Variants in TEKT5 observed in about 807,000 individuals in gnomAD.
TEKT5 encodes the protein tektin-5.
A neutral mutation model predicts 48.7 loss-of-function variants in TEKT5; 52 were observed. That is an observed-to-expected ratio of 1.07 (90% CI 0.86 to 1.35). The LOEUF is 1.35. Among genes scored for constraint, TEKT5 ranks in the 40% most tolerant of loss-of-function variants. TEKT5 has a pLI of 0.00. For synonymous variants in TEKT5, 318 were observed against 267.6 expected, an observed-to-expected ratio of 1.19 and a Z score of -1.84; for missense variants, 831 against 641.6, an observed-to-expected ratio of 1.30 and a Z score of -3.19.
At chr16:10,676,373 T>A (rs1054435397) in intron 4 of TEKT5, among the ~76,000 whole-genome samples, 192 bp from the exon 5 acceptor site, 1 of 152,170 alleles carries the variant, frequency 6.6e-6, no homozygotes, top group African/African-American at 2.4e-5. Context: ...CACCCCGTTG[T>A]GACAACCAAA....
intron 5 of TEKT5, among the ~76,000 whole-genome samples, chr16:10,661,859 G>A (rs1407235472): frequency 6.6e-6 from 1 of 152,144 alleles, no homozygotes; most frequent in Non-Finnish European, 1.5e-5. Flanking sequence ...GATGATAATA[G>A]CATCTATCCT....
chr16:10,650,679 T>A (rs1898141173), intron 5 of TEKT5, among the ~76,000 whole-genome samples: 1 of 151,020 alleles, frequency 6.6e-6, no homozygotes, highest in African/African-American at 2.4e-5. Context: ...AGGTCAGGAG[T>A]TCGAGACCAG....
chr16:10,634,128 G>C (rs1897879661), intron 6 of TEKT5, among the ~76,000 whole-genome samples: 1 of 152,162 alleles, frequency 6.6e-6, no homozygotes, highest in African/African-American at 2.4e-5. Context: ...GCTTAGTGCT[G>C]TGTGACTGGG....
At chr16:10,629,344 G>C (rs576955920) in intron 6 of TEKT5, among the ~76,000 whole-genome samples, 1 of 151,650 alleles carries the variant, frequency 6.6e-6, no homozygotes, top group Non-Finnish European at 1.5e-5. Flanking sequence ...TCTGCCTCCC[G>C]GGTTCAAGCA....
Position 10,635,712 on chromosome 16 carries a change from C to G in TEKT5, c.1241+52G>C, listed in dbSNP as rs2719673. 9,932 of 1,583,410 alleles carry G rather than the reference C, an allele frequency of 6.3e-3. 554 individuals are homozygous for G. In the African/African-American group the frequency reaches 0.12, roughly 18 times the overall value. On this transcript the variant is annotated intron_variant, in intron 6 of 6. Transcript: ENST00000283025. Reference sequence around the variant, plus strand: ...GAAGCTCCTGAGACTCACCCCTTCCCGTTCCTGGATTCCCAGGGGTTCTCC... The same window carrying G: ...GAAGCTCCTGAGACTCACCCCTTCCGGTTCCTGGATTCCCAGGGGTTCTCC...
chr16:10,690,638 T>C (rs772999169), intron 1 of TEKT5: 115 of 985,224 alleles, frequency 1.2e-4, no homozygotes, highest in Non-Finnish European at 1.4e-4. Flanking sequence ...GATCTCCCAG[T>C]GGAGGGACAG....
At chr16:10,662,621 T>A (rs1178269533) in intron 5 of TEKT5, among the ~76,000 whole-genome samples, 1 of 152,236 alleles carries the variant, frequency 6.6e-6, no homozygotes, top group Non-Finnish European at 1.5e-5. Context: ...TTGCAACGTA[T>A]CCTTGTACTT....
At chr16:10,648,489 GTATT>G (rs908064258) in intron 5 of TEKT5, among the ~76,000 whole-genome samples, 3 of 151,802 alleles carry the variant, frequency 2.0e-5, no homozygotes, top group African/African-American at 7.3e-5. Context: ...GCTGATTTTT[GTATT>G]TATTTATTTA....
In TEKT5 at chr16:10,665,657, T is replaced by A. The variant is rs192790229; in HGVS notation, c.1086+10302A>T. On this transcript the variant is annotated intron_variant, in intron 5 of 6. Coordinates refer to ENST00000283025, the MANE Select transcript of TEKT5 (RefSeq NM_144674.2). ...ACAGTCACCCTGACCAGCCCACCTT[T>A]TGGCACAGCTCTCAGAATTTCCCAT... 1.6e-3 allele frequency among the ~76,000 whole-genome samples: 238 copies of A among 152,272 alleles called. 1 individual carries two copies. The highest frequency in any genetic ancestry group is 3.9e-3 in the Admixed American group (59 of 15,282).
Position 10,687,558 on chromosome 16 carries a change from G to C in TEKT5, c.719+1695C>G, listed in dbSNP as rs1026037482. 3.9e-4 allele frequency among the ~76,000 whole-genome samples: 60 copies of C among 152,214 alleles called. 2 individuals are homozygous for C. The highest frequency in any genetic ancestry group is 1.5e-5 in the Non-Finnish European group (1 of 68,036). ...ACCTGAGGTCAGGAGTTCCAGACCA[G>C]CCTGGCCAACATGGCAAAACACTGT... On this transcript the variant is annotated intron_variant, in intron 3 of 6. Transcript: ENST00000283025.
intron 5 of TEKT5, among the ~76,000 whole-genome samples, chr16:10,648,031 C>T (rs1326805792): frequency 1.3e-5 from 2 of 152,210 alleles, no homozygotes; most frequent in Admixed American, 1.3e-4. Context: ...TCACTGTCAG[C>T]ATCACAGAAC....
At chr16:10,637,919 T>A (rs1432294297) in intron 5 of TEKT5, among the ~76,000 whole-genome samples, 4 of 152,146 alleles carry the variant, frequency 2.6e-5, no homozygotes, top group Non-Finnish European at 4.4e-5. Flanking sequence ...CAAATGATCT[T>A]CCCGCCTCAG....
At chr16:10,653,241 C>T (rs1898199746) in intron 5 of TEKT5, among the ~76,000 whole-genome samples, 1 of 152,202 alleles carries the variant, frequency 6.6e-6, no homozygotes, top group African/African-American at 2.4e-5. Context: ...CTGCCTTCCC[C>T]GCCCAGCCCT....
intron 5 of TEKT5, among the ~76,000 whole-genome samples, chr16:10,653,090 A>C (rs1190836833): frequency 1.3e-5 from 2 of 152,136 alleles, no homozygotes; most frequent in Non-Finnish European, 2.9e-5. Context: ...TCCTGTTCCC[A>C]TGAAGTTGGA....
At chr16:10,630,667 T>C (rs758964084) in intron 6 of TEKT5, among the ~76,000 whole-genome samples, 3 of 152,230 alleles carry the variant, frequency 2.0e-5, no homozygotes, top group Non-Finnish European at 4.4e-5. Context: ...ATGGGGCTAA[T>C]GAACACTTGA....
intron 5 of TEKT5, among the ~76,000 whole-genome samples, chr16:10,648,329 T>C (rs1898101961): frequency 6.6e-6 from 1 of 152,164 alleles, no homozygotes; most frequent in South Asian, 2.1e-4. Context: ...TTATCATTTT[T>C]TTTTTTGAGA....
At position 10,656,861 on chromosome 16, in the gene TEKT5, C is replaced by T. The variant is rs142659893; in HGVS notation, c.1086+19098G>A. On this transcript the variant is annotated intron_variant, in intron 5 of 6. Transcript: ENST00000283025. ...GCTCAAGTGACCCTCCCACCTCCAC[C>T]TCCTGAGTAGCTGGGACTACAGATG... is the stretch of plus-strand genomic sequence containing the variant. Among the ~76,000 whole-genome samples the T allele has an allele frequency of 7.9e-5, 12 of 152,200 alleles. No homozygotes were observed. The East Asian group carries it at 2.3e-3, about 29-fold the overall frequency.
chr16:10,653,596 T>C (rs975151251), intron 5 of TEKT5, among the ~76,000 whole-genome samples: 2 of 152,216 alleles, frequency 1.3e-5, no homozygotes, highest in Admixed American at 6.5e-5. Context: ...ACTTGTTCTT[T>C]TGTCTGTAAA....
At chr16:10,686,958 A>G (rs1157011127) in intron 3 of TEKT5, among the ~76,000 whole-genome samples, 1 of 152,272 alleles carries the variant, frequency 6.6e-6, no homozygotes, top group African/African-American at 2.4e-5. Flanking sequence ...CCTATAGGAT[A>G]TAATGTAAAG....
Sources: gnomAD v4.1 joint callset for allele counts (sites outside exome capture counted in the v4.1 genomes callset) on GRCh38, gnomAD v4.1.1 for gene constraint, MANE v1.5 for transcripts, NCBI Gene and HGNC (gene_info 2026-07-23, HGNC 2026-07-21) for gene names.